MAGI2: variants seen among roughly 807,000 people sequenced by gnomAD.
The protein encoded by MAGI2 is membrane associated guanylate kinase, WW and PDZ domain containing 2.
A neutral mutation model predicts 133.3 loss-of-function variants in MAGI2; 35 were observed. The observed-to-expected ratio is 0.26, with a 90% confidence interval of 0.20 to 0.35. The LOEUF is 0.35. Among genes scored for constraint, MAGI2 ranks in the 10% least tolerant of loss-of-function variants. The pLI is 1.00. For missense variants in MAGI2, 1,636 were observed against 1,863.4 expected (o/e 0.88, Z 2.25); for synonymous variants, 729 against 710.6 (o/e 1.03, Z -0.41).
intron 2 of MAGI2, among the ~76,000 whole-genome samples, chr7:78,686,173 T>G (rs1293854617): frequency 6.6e-6 from 1 of 152,016 alleles, no homozygotes; most frequent in Non-Finnish European, 1.5e-5. Context: ...CAATGAGGAC[T>G]GAGGTAAGCT....
chr7:78,823,261 G>T (rs1210689478), intron 2 of MAGI2, among the ~76,000 whole-genome samples: 2 of 152,126 alleles, frequency 1.3e-5, no homozygotes, highest in African/African-American at 2.4e-5. Context: ...AAAGCTGTGG[G>T]TTGATAGTCT....
At chr7:79,010,129 G>A (rs746308994) in intron 1 of MAGI2, among the ~76,000 whole-genome samples, 1 of 151,834 alleles carries the variant, frequency 6.6e-6, no homozygotes, top group African/African-American at 2.4e-5. Context: ...ATATATAGAT[G>A]TGTATAATAC....
Position 78,546,190 on chromosome 7 carries a change from C to T in MAGI2, c.539-24545G>A, listed in dbSNP as rs190768396. On this transcript the variant is annotated intron_variant, in intron 3 of 21. Coordinates refer to ENST00000354212, the MANE Select transcript of MAGI2 (RefSeq NM_012301.4). Reference sequence around the variant, plus strand: ...AAATATTAAGACCAAATTTATAATGCTATCTTGAACATTTAATGAGATAAG... The same window carrying T: ...AAATATTAAGACCAAATTTATAATGTTATCTTGAACATTTAATGAGATAAG... 3.5e-3 allele frequency among the ~76,000 whole-genome samples: 535 copies of T among 152,212 alleles called. 15 individuals carry two copies. The South Asian group carries it at 0.076, about 22-fold the overall frequency.
At chr7:79,438,587 T>C (rs1848299256) in intron 1 of MAGI2, among the ~76,000 whole-genome samples, 3 of 152,140 alleles carry the variant, frequency 2.0e-5, no homozygotes, top group African/African-American at 7.2e-5. Flanking sequence ...TTGCAGCTAA[T>C]GGCATCTTCA....
chr7:78,298,810 G>GTTTTTTT (rs71085520), intron 9 of MAGI2, among the ~76,000 whole-genome samples: 6 of 79,606 alleles, frequency 7.5e-5, no homozygotes, highest in African/African-American at 1.3e-4. Context: ...TGGCCTAAAC[G>GTTTTTTT]TTTTTTTTTT....
chr7:78,833,489 C>A (rs920770390), intron 2 of MAGI2, among the ~76,000 whole-genome samples: 2 of 152,178 alleles, frequency 1.3e-5, no homozygotes, highest in Non-Finnish European at 2.9e-5. Flanking sequence ...TGCCTGGGAA[C>A]AAAGAAAGAG....
intron 6 of MAGI2, among the ~76,000 whole-genome samples, chr7:78,472,598 G>T (rs1372552476): frequency 6.6e-6 from 1 of 152,108 alleles, no homozygotes; most frequent in African/African-American, 2.4e-5. Flanking sequence ...GTATTTCTAA[G>T]AATGGCAGGT....
At chr7:79,326,507 C>T (rs1839704794) in intron 1 of MAGI2, among the ~76,000 whole-genome samples, 1 of 152,054 alleles carries the variant, frequency 6.6e-6, no homozygotes, top group South Asian at 2.1e-4. Context: ...TTGCTATGTG[C>T]TATCTTGTAA....
At chr7:78,998,822 G>C (rs953570936) in intron 2 of MAGI2, among the ~76,000 whole-genome samples, 1 of 152,054 alleles carries the variant, frequency 6.6e-6, no homozygotes, top group Non-Finnish European at 1.5e-5. Context: ...TAAGACTCTG[G>C]AAACTTGGGT....
At chr7:79,136,003 G>GAAAGAGAA (rs749343638) in intron 1 of MAGI2, among the ~76,000 whole-genome samples, 854 of 40,352 alleles carry the variant, frequency 0.021, 8 homozygotes, top group South Asian at 0.05. Context: ...AAGAAAGAAA[G>GAAAGAGAA]AGAAAGAAAG....
At chr7:78,044,381 G>C (rs975677282) in intron 21 of MAGI2, among the ~76,000 whole-genome samples, 9 of 152,192 alleles carry the variant, frequency 5.9e-5, no homozygotes, top group Non-Finnish European at 1.3e-4. Flanking sequence ...TGCCATTCCA[G>C]AGACAGAATG....
intron 1 of MAGI2, among the ~76,000 whole-genome samples, chr7:79,007,878 G>A (rs1232083567): frequency 1.3e-5 from 2 of 151,468 alleles, no homozygotes; most frequent in African/African-American, 2.4e-5. Flanking sequence ...CAAGAGACAA[G>A]GTTTGAAAGA....
chr7:78,394,578 G>A (rs190218432), intron 6 of MAGI2, among the ~76,000 whole-genome samples: 1 of 152,222 alleles, frequency 6.6e-6, no homozygotes, highest in Non-Finnish European at 1.5e-5. Flanking sequence ...CTACAGTTCA[G>A]CTACATGTTT....
At chr7:78,571,473 A>C (rs535895437) in intron 3 of MAGI2, among the ~76,000 whole-genome samples, 7 of 152,330 alleles carry the variant, frequency 4.6e-5, no homozygotes, top group African/African-American at 1.7e-4. Flanking sequence ...ATGCCAGATC[A>C]AATACCATTT....
intron 7 of MAGI2, among the ~76,000 whole-genome samples, chr7:78,357,208 C>T (rs1402246219): frequency 6.6e-6 from 1 of 152,160 alleles, no homozygotes; most frequent in Non-Finnish European, 1.5e-5. Context: ...CACCTACTAG[C>T]TTGATGGTCT....
chr7:78,734,905 A>T (rs974888323), intron 2 of MAGI2, among the ~76,000 whole-genome samples: 1 of 152,142 alleles, frequency 6.6e-6, no homozygotes, highest in South Asian at 2.1e-4. Context: ...CTGCACACAT[A>T]TGAGAAACAA....
intron 2 of MAGI2, among the ~76,000 whole-genome samples, chr7:78,944,885 C>T (rs904033778): frequency 6.6e-6 from 1 of 151,836 alleles, no homozygotes; most frequent in African/African-American, 2.4e-5. Context: ...TACAGGTGCA[C>T]GCCACTATGC....
intron 1 of MAGI2, among the ~76,000 whole-genome samples, chr7:79,127,297 T>C (rs1441033919): frequency 6.6e-6 from 1 of 152,172 alleles, no homozygotes; most frequent in Admixed American, 6.5e-5. Context: ...TGATTTATAA[T>C]CTTTTGGATA....
intron 2 of MAGI2, among the ~76,000 whole-genome samples, chr7:78,859,595 C>T (rs2151497307): frequency 6.6e-6 from 1 of 152,310 alleles, no homozygotes; most frequent in African/African-American, 2.4e-5. Flanking sequence ...TGTAGAGTTT[C>T]TGCTGAGAGA....
Sources: gnomAD v4.1 joint callset for allele counts (sites outside exome capture counted in the v4.1 genomes callset) on GRCh38, gnomAD v4.1.1 for gene constraint, MANE v1.5 for transcripts, NCBI Gene and HGNC (gene_info 2026-07-23, HGNC 2026-07-21) for gene names.